The following LPP variants were observed in gnomAD, a reference collection of about 807,000 sequenced individuals.
LPP encodes LIM domain containing preferred translocation partner in lipoma.
In LPP, 38 loss-of-function variants were observed where a neutral mutation model predicts 60.4. That is an observed-to-expected ratio of 0.63 (90% confidence interval 0.49 to 0.83). The LOEUF is 0.83. LPP is among the 40% of genes least tolerant of loss of function. The probability of loss-of-function intolerance (pLI) is 0.00; values close to 1 mark genes in which losing one functional copy is unlikely to be tolerated. For synonymous variants in LPP, 328 were observed against 290.8 expected (o/e 1.13, Z -1.30); for missense variants, 902 against 783.6 (o/e 1.15, Z -1.80).
intron 3 of LPP, among the ~76,000 whole-genome samples, chr3:188,363,321 G>A (rs1318562128): frequency 1.3e-5 from 2 of 151,948 alleles, no homozygotes; most frequent in African/African-American, 4.8e-5. Context: ...CTAAGTCAAG[G>A]TAAAAACGAC....
rs760058728 is a variant in LPP, at chr3:188,407,768, G to GTTTTTTT, written c.193+1460_193+1466dup. ...CCATATGTTGGCTTCCTCATTTATG[G>GTTTTTTT]TTTTTTTTTTTGTTTGTTTGTTTTT... On this transcript the variant is annotated intron_variant, in intron 4 of 11. Coordinates refer to ENST00000617246, the MANE Select transcript of LPP (RefSeq NM_001375462.1). 1.3e-4 allele frequency among the ~76,000 whole-genome samples: 8 copies of GTTTTTTT among 61,310 alleles called. 1 individual carries two copies. The highest frequency in any genetic ancestry group is 3.6e-4 in the African/African-American group (8 of 22,192). The allele number at this position is 61,310 out of a possible 152,430, so 40.2% of individuals were successfully genotyped here.
intron 1 of LPP, among the ~76,000 whole-genome samples, chr3:188,197,622 G>A (rs933872111): frequency 6.6e-6 from 1 of 152,140 alleles, no homozygotes; most frequent in African/African-American, 2.4e-5. Flanking sequence ...CTAATGAGGT[G>A]CATAAGGGAC....
intron 2 of LPP, among the ~76,000 whole-genome samples, chr3:188,292,325 A>AT (rs1746276018): frequency 6.6e-6 from 1 of 152,264 alleles, no homozygotes; most frequent in Non-Finnish European, 1.5e-5. Flanking sequence ...ATAAGTTCTC[A>AT]TTAAGCATAT....
At chr3:188,571,285 A>T (rs560367640) in intron 6 of LPP, among the ~76,000 whole-genome samples, 2 of 152,052 alleles carry the variant, frequency 1.3e-5, no homozygotes, top group Non-Finnish European at 2.9e-5. Context: ...AAATGCAATA[A>T]AAGTGTGTTT....
intron 9 of LPP, among the ~76,000 whole-genome samples, chr3:188,778,948 T>G (rs1038882406): frequency 6.6e-6 from 1 of 152,180 alleles, no homozygotes; most frequent in African/African-American, 2.4e-5. Context: ...GTGATACTTA[T>G]AAAAGTGTGT....
rs957073598 is a variant in LPP, at chr3:188,889,308, G to T, written c.*14829G>T. 4.3e-6 allele frequency: 1 copy of T among 231,568 alleles called. No individual in the cohort carries two copies. The highest frequency in any genetic ancestry group is 2.2e-5 in the African/African-American group (1 of 45,252). The allele number at this position is 231,568 out of a possible 1,614,324, so 14.3% of individuals were successfully genotyped here. ...TAGAGTGATGCATTCTTACCCAGAG[G>T]TGGCAATAGGAGAGGGTCCATGTAA... On this transcript the variant is annotated 3_prime_UTR_variant, in exon 12 of 12. Transcript: ENST00000617246.
chr3:188,332,053 G>C (rs1489095792), intron 2 of LPP, among the ~76,000 whole-genome samples: 2 of 151,880 alleles, frequency 1.3e-5, no homozygotes, highest in Non-Finnish European at 2.9e-5. Context: ...ATTATTTCAA[G>C]AGTTCTTCCC....
At chr3:188,199,294 G>A (rs1483705821) in intron 1 of LPP, among the ~76,000 whole-genome samples, 1 of 152,074 alleles carries the variant, frequency 6.6e-6, no homozygotes, top group Non-Finnish European at 1.5e-5. Flanking sequence ...TTTATTGGTC[G>A]GAGTAGTCCC....
intron 10 of LPP, among the ~76,000 whole-genome samples, chr3:188,870,135 CAT>C (rs529237929): frequency 4.7e-4 from 72 of 151,922 alleles, no homozygotes; most frequent in African/African-American, 1.5e-3. Context: ...TAGAAATATA[CAT>C]ATGTGTGTGT....
chr3:188,552,650 G>T (rs1198784798), intron 6 of LPP, among the ~76,000 whole-genome samples: 1 of 151,984 alleles, frequency 6.6e-6, no homozygotes, highest in East Asian at 1.9e-4. Flanking sequence ...CATATTTCTT[G>T]GCTCTCGGAC....
intron 6 of LPP, among the ~76,000 whole-genome samples, chr3:188,596,397 T>C (rs1260606604): frequency 6.6e-6 from 1 of 152,192 alleles, no homozygotes; most frequent in Non-Finnish European, 1.5e-5. Context: ...CCCTTCCTCC[T>C]ACTCTGTGGC....
chr3:188,211,227 C>T (rs1417457543), intron 1 of LPP, among the ~76,000 whole-genome samples: 4 of 152,112 alleles, frequency 2.6e-5, no homozygotes, highest in Admixed American at 6.6e-5. Context: ...AAAATCTTAA[C>T]GACTGACTGA....
chr3:188,336,913 G>A (rs537966168), intron 2 of LPP, among the ~76,000 whole-genome samples: 15 of 152,198 alleles, frequency 9.9e-5, no homozygotes, highest in African/African-American at 3.6e-4. Context: ...CTCAGGCCTG[G>A]GGGACATGAC....
At chr3:188,258,715 A>AT (rs1391633814) in intron 2 of LPP, among the ~76,000 whole-genome samples, 6 of 152,180 alleles carry the variant, frequency 3.9e-5, no homozygotes, top group African/African-American at 1.4e-4. Context: ...GGATTCTAAG[A>AT]TTCGTCTAGA....
At chr3:188,526,325 C>T (rs1820574933) in intron 6 of LPP, among the ~76,000 whole-genome samples, 1 of 151,800 alleles carries the variant, frequency 6.6e-6, no homozygotes. Context: ...GATGGAGTCT[C>T]TCTCTGTTGC....
chr3:188,463,845 T>A (rs1029654216), intron 4 of LPP, among the ~76,000 whole-genome samples: 4 of 152,186 alleles, frequency 2.6e-5, no homozygotes, highest in African/African-American at 7.2e-5. Context: ...AACCCTTGCA[T>A]CCTTTATGTA....
At chr3:188,798,723 C>T (rs1746121346) in intron 9 of LPP, among the ~76,000 whole-genome samples, 1 of 152,176 alleles carries the variant, frequency 6.6e-6, no homozygotes. Context: ...TTAATGTAGC[C>T]ATATGTTGAC....
At chr3:188,798,193 A>G (rs1380075664) in intron 9 of LPP, among the ~76,000 whole-genome samples, 1 of 152,242 alleles carries the variant, frequency 6.6e-6, no homozygotes, top group Non-Finnish European at 1.5e-5. Context: ...ATTTCATCCT[A>G]TGAAACGGGC....
At chr3:188,338,119 C>A (rs990599063) in intron 2 of LPP, among the ~76,000 whole-genome samples, 9 of 152,190 alleles carry the variant, frequency 5.9e-5, no homozygotes, top group Non-Finnish European at 1.2e-4. Flanking sequence ...AACCAGATGT[C>A]AGAAGATTTC....
Sources: gnomAD v4.1 joint callset for allele counts (sites outside exome capture counted in the v4.1 genomes callset) on GRCh38, gnomAD v4.1.1 for gene constraint, MANE v1.5 for transcripts, NCBI Gene and HGNC (gene_info 2026-07-23, HGNC 2026-07-21) for gene names.